HSP90AA1: variants seen among roughly 807,000 people sequenced by gnomAD.
HSP90AA1 encodes heat shock protein HSP 90-alpha.
Under a neutral mutation model 73.3 loss-of-function variants are expected in HSP90AA1, and 18 were observed. That is an observed-to-expected ratio of 0.25 (90% CI 0.17 to 0.36). The LOEUF is 0.36. HSP90AA1 is among the 10% of genes least tolerant of loss of function. HSP90AA1 has a pLI of 1.00. For missense variants in HSP90AA1, 704 were observed against 874.2 expected, an observed-to-expected ratio of 0.81 and a Z score of 2.45; for synonymous variants, 477 against 296.9, an observed-to-expected ratio of 1.61 and a Z score of -6.24.
chr14:102,101,222 C>G (rs1314440402), intron 2 of HSP90AA1, among the ~76,000 whole-genome samples: 1 of 152,192 alleles, frequency 6.6e-6, no homozygotes, highest in Non-Finnish European at 1.5e-5. Flanking sequence ...TAGCAGGGCT[C>G]CAGAAGGAAC....
At chr14:102,105,193 TGA>T (rs2049548992) in intron 1 of HSP90AA1, among the ~76,000 whole-genome samples, 1 of 114,784 alleles carries the variant, frequency 8.7e-6, no homozygotes, top group African/African-American at 3.5e-5. Context: ...GGCGACAGAG[TGA>T]GAGTCTGTCT....
exon 1 of HSP90AA1, chr14:102,139,312 G>A (rs543065599): frequency 1.4e-5 from 22 of 1,613,864 alleles, no homozygotes; most frequent in South Asian, 1.3e-4. Context: ...CCAGACGGTC[G>A]CGCGGGTATT....
upstream of HSP90AA1, among the ~76,000 whole-genome samples, chr14:102,088,177 C>G (rs2049295169): frequency 6.6e-6 from 1 of 152,086 alleles, no homozygotes; most frequent in African/African-American, 2.4e-5. Context: ...GTTGCCCAGG[C>G]TGGAAAAGCC....
In HSP90AA1 at chr14:102,081,470, C is replaced by G. The variant is rs979242729; in HGVS notation, c.*242G>C. 1.0e-5 allele frequency: 6 copies of G among 573,962 alleles called. No homozygotes were observed. Among genetic ancestry groups the G allele is most frequent in the African/African-American group, 9.4e-5 (5 of 53,446 alleles). 35.6% of individuals were successfully genotyped at this position (573,962 alleles called of 1,614,324 possible). On this transcript the variant is annotated 3_prime_UTR_variant, in exon 11 of 11. Coordinates refer to ENST00000216281, the MANE Select transcript of HSP90AA1 (RefSeq NM_005348.4). ...ATCATGTTACATACGTCTTACAGTG[C>G]ACGTTACCCCAATCTGTGAAAATAA...
chr14:102,103,061 A>G (rs942082919), intron 1 of HSP90AA1, among the ~76,000 whole-genome samples: 9 of 151,764 alleles, frequency 5.9e-5, no homozygotes, highest in Non-Finnish European at 1.0e-4. Flanking sequence ...CATGCCTGTA[A>G]TCCCACCTAC....
intron 1 of HSP90AA1, among the ~76,000 whole-genome samples, chr14:102,134,686 T>C (rs916880216): frequency 8.5e-5 from 13 of 152,192 alleles, no homozygotes; most frequent in African/African-American, 3.1e-4. Context: ...CTCGTGGTCT[T>C]GCTGGCTTCA....
Position 102,085,160 on chromosome 14 carries a change from CTT to C in HSP90AA1, c.663+136_663+137del, listed in dbSNP as rs1279784022. 2.7e-5 allele frequency: 39 copies of C among 1,455,208 alleles called. 1 individual carries two copies. The South Asian group carries it at 4.1e-4, about 15-fold the overall frequency. The allele number at this position is 1,455,208 out of a possible 1,614,324, so 90.1% of individuals were successfully genotyped here. A position where few individuals can be genotyped will look rare whatever the true frequency, so the allele number is the denominator to read the frequency against. On this transcript the variant is annotated intron_variant, in intron 4 of 10. Transcript: ENST00000216281. Reference sequence around the variant, plus strand: ...TACATCCACTTAATAGCCCGAGGAACTTTTACAGAGTTAGGTAGTAGAGCTTA... The same window carrying C: ...TACATCCACTTAATAGCCCGAGGAACTTACAGAGTTAGGTAGTAGAGCTTA...
At chr14:102,105,613 G>A (rs1443732451) in intron 1 of HSP90AA1, among the ~76,000 whole-genome samples, 1 of 152,228 alleles carries the variant, frequency 6.6e-6, no homozygotes, top group African/African-American at 2.4e-5. Context: ...GGCTTGCAAG[G>A]GAGACAGGGC....
chr14:102,085,474 AGTGCTCAACGCC>A (rs778533041), intron 3 of HSP90AA1, 43 bp from the exon 4 acceptor site: 1 of 1,547,798 alleles, frequency 6.5e-7, no homozygotes, highest in Admixed American at 1.7e-5. Context: ...CATTCAATTT[AGTGCTCAACGCC>A]ATGCCTAACA....
chr14:102,087,606 G>C (rs1035394130), upstream of HSP90AA1, among the ~76,000 whole-genome samples: 3 of 152,172 alleles, frequency 2.0e-5, no homozygotes, highest in African/African-American at 7.2e-5. Context: ...CCAGCCGCAA[G>C]CGGCGCCGGG....
At chr14:102,084,614 G>T (rs377003435) in intron 5 of HSP90AA1, 50 bp from the exon 6 acceptor site, 5 of 1,614,040 alleles carry the variant, frequency 3.1e-6, no homozygotes, top group African/African-American at 2.7e-5. Flanking sequence ...CATTATAGAA[G>T]ATATTTGGGG....
At chr14:102,086,756 G>A (rs2049249422) in intron 1 of HSP90AA1, among the ~76,000 whole-genome samples, 1 of 151,490 alleles carries the variant, frequency 6.6e-6, no homozygotes, top group African/African-American at 2.4e-5. Context: ...GCCAGCTCTG[G>A]CGCTGCTGCA....
rs2049081943 is a variant in HSP90AA1 at position 102,080,839 on chromosome 14, C to T, written c.*873G>A. The T allele has an allele frequency of 4.4e-6, 1 of 227,494 alleles. No homozygotes were observed. Among genetic ancestry groups the T allele is most frequent in the African/African-American group, 2.2e-5 (1 of 45,010 alleles). 14.1% of individuals were successfully genotyped at this position (227,494 alleles called of 1,614,324 possible). On this transcript the variant is annotated 3_prime_UTR_variant, in exon 11 of 11. Coordinates refer to ENST00000216281, the MANE Select transcript of HSP90AA1 (RefSeq NM_005348.4). Reference sequence around the variant, plus strand: ...AGAGAACACATGTAACTCATGGACGCAGGGGATGCATGTTGTCTGCATTCC... The same window carrying T: ...AGAGAACACATGTAACTCATGGACGTAGGGGATGCATGTTGTCTGCATTCC...
In HSP90AA1 at chr14:102,084,511, T is replaced by C. The variant is rs370412494; in HGVS notation, c.1035A>G (p.Arg345=). 6.2e-7 allele frequency: 1 copy of C among 1,614,108 alleles called. No individual in the cohort carries two copies. The highest frequency in any genetic ancestry group is 1.3e-5 in the African/African-American group (1 of 74,946). Residue 345 remains arginine, a synonymous_variant, in exon 6 of 11, where the codon CGA becomes CGG. Transcript: ENST00000216281. ...LEFRALLFVP[R]RAPFDLFENR... Reference sequence around the variant, plus strand: ...TTTCAAACAGATCAAAAGGAGCACGTCGTGGGACAAATAGAAGGGCTCTGA... The same window carrying C: ...TTTCAAACAGATCAAAAGGAGCACGCCGTGGGACAAATAGAAGGGCTCTGA...
Position 102,086,997 on chromosome 14 carries a change from G to A in HSP90AA1, c.-12C>T, listed in dbSNP as rs934947820. ...CAACCACCCGTCACCTTGGCTAAGT[G>A]ACCGCACAGGACCAACGGCACAGCC... On this transcript the variant is annotated 5_prime_UTR_variant, in exon 1 of 11. Coordinates refer to ENST00000216281, the MANE Select transcript of HSP90AA1 (RefSeq NM_005348.4). The A allele has an allele frequency of 7.1e-6, 7 of 985,014 alleles. No homozygotes were observed. Among genetic ancestry groups the A allele is most frequent in the African/African-American group, 1.7e-5 (1 of 57,196 alleles). 61.0% of individuals were successfully genotyped at this position (985,014 alleles called of 1,614,324 possible). A position where few individuals can be genotyped will look rare whatever the true frequency, so the allele number is the denominator to read the frequency against.
intron 1 of HSP90AA1, among the ~76,000 whole-genome samples, chr14:102,129,026 A>AT (rs142172900): frequency 0.054 from 8,145 of 152,134 alleles, 649 homozygotes; most frequent in African/African-American, 0.17. Context: ...TAACAGTTCC[A>AT]TTTACCAGGT....
At position 102,081,809 on chromosome 14, in the gene HSP90AA1, T is replaced by A; in HGVS notation, c.2102A>T (p.Asp701Val). 2.7e-6 allele frequency: 4 copies of A among 1,486,456 alleles called. No individual in the cohort carries two copies. Among genetic ancestry groups the A allele is most frequent in the Non-Finnish European group, 3.8e-6 (4 of 1,063,600 alleles). The allele number at this position is 1,486,456 out of a possible 1,614,324, so 92.1% of individuals were successfully genotyped here. A position where few individuals can be genotyped will look rare whatever the true frequency, so the allele number is the denominator to read the frequency against. ...MIKLGLGIDEDDPTADDTSAA... is the reference protein window; with the variant it reads ...MIKLGLGIDEVDPTADDTSAA... The stretch of plus-strand genomic sequence containing the variant: ...ACTGGTATCATCAGCAGTAGGGTCA[T>A]CTTCATCAATACCTGTTTCCAAAAT... The change falls in exon 11 of 11, where the codon GAT (aspartate) becomes GTT (valine). Residue 701 changes from aspartate to valine, a missense_variant. Physicochemically the swap from Asp to Val is radical, Grantham distance 152. Coordinates refer to ENST00000216281, the MANE Select transcript of HSP90AA1 (RefSeq NM_005348.4).
At chr14:102,095,476 AG>A (rs1383386234) in intron 2 of HSP90AA1, among the ~76,000 whole-genome samples, 1 of 152,172 alleles carries the variant, frequency 6.6e-6, no homozygotes, top group Non-Finnish European at 1.5e-5. Flanking sequence ...GATGTGCGTG[AG>A]CCCCTCTGAG....
intron 1 of HSP90AA1, among the ~76,000 whole-genome samples, chr14:102,136,961 C>A (rs1350170448): frequency 6.6e-6 from 1 of 151,646 alleles, no homozygotes; most frequent in Non-Finnish European, 1.5e-5. Context: ...CGCCTGTAAT[C>A]CTAGCACTCT....
Sources: allele counts gnomAD v4.1 joint callset (sites outside exome capture counted in the v4.1 genomes callset), GRCh38; gene constraint gnomAD v4.1.1; transcripts MANE v1.5; gene names NCBI Gene and HGNC (gene_info 2026-07-23, HGNC 2026-07-21).